The following LINGO2 variants were observed in gnomAD, a reference collection of about 807,000 sequenced individuals.
The protein encoded by LINGO2 is leucine-rich repeat and immunoglobulin-like domain-containing nogo receptor-interacting protein 2.
LINGO2 carries 14 observed loss-of-function variants against 30.6 expected under a neutral mutation model. The observed-to-expected ratio is 0.46, with a 90% CI of 0.30 to 0.72. The LOEUF is 0.72. Ranked by LOEUF, LINGO2 falls within the 30% of genes least tolerant of loss-of-function variation. The pLI is 0.07. For missense variants in LINGO2, 729 were observed against 751.7 expected (o/e 0.97, Z 0.35); for synonymous variants, 317 against 288.5 (o/e 1.10, Z -1.00).
At chr9:28,735,039 C>T in the LINGO2 span, among the ~76,000 whole-genome samples, 4 of 152,150 alleles carry the variant, frequency 2.6e-5, no homozygotes, top group African/African-American at 9.7e-5. Flanking sequence ...AGGCTGGTTA[C>T]AGTTTTTTGT....
chr9:28,384,134 A>G lies in LINGO2; in HGVS notation c.-278-11266T>C, dbSNP rs10968545. 2.8e-3 allele frequency among the ~76,000 whole-genome samples: 419 copies of G among 151,866 alleles called. 15 individuals carry two copies. In the East Asian group the frequency reaches 0.05, roughly 18 times the overall value. ...TCATAATAGTTATTTATTTTAGACA[A>G]TTTGAAAATTGCATTTAGACAATTA... is the stretch of plus-strand genomic sequence containing the variant. On this transcript the variant is annotated intron_variant, in intron 2 of 5. Transcript: ENST00000379992.
In LINGO2 at chr9:28,464,609, C is replaced by G. The variant is rs184814709; in HGVS notation, c.-279+11331G>C. Among the ~76,000 whole-genome samples the G allele has an allele frequency of 3.3e-5, 5 of 152,230 alleles. 1 individual carries two copies. Among genetic ancestry groups the G allele is most frequent in the Admixed American group, 3.3e-4 (5 of 15,294 alleles). On this transcript the variant is annotated intron_variant, in intron 2 of 5. Transcript: ENST00000379992. ...TATAATTTCAGGGAAAATAAACATG[C>G]CTAAATGAATAGGTCATAACTTCCG...
At chr9:29,145,717 A>G in the LINGO2 span, among the ~76,000 whole-genome samples, 8 of 152,282 alleles carry the variant, frequency 5.3e-5, no homozygotes, top group East Asian at 1.5e-3. Context: ...GATTTAATAT[A>G]AAGAGTAAGC....
intron 1 of LINGO2, among the ~76,000 whole-genome samples, chr9:28,634,935 G>C (rs1587997692): frequency 6.6e-6 from 1 of 152,150 alleles, no homozygotes; most frequent in Non-Finnish European, 1.5e-5. Flanking sequence ...CACAAGGAGA[G>C]ATAATAATTC....
chr9:28,978,108 C>T, the LINGO2 span, among the ~76,000 whole-genome samples: 1 of 152,090 alleles, frequency 6.6e-6, no homozygotes, highest in East Asian at 1.9e-4. Context: ...GAAATCTTTT[C>T]CATTTCCACT....
chr9:28,887,666 C>A, the LINGO2 span, among the ~76,000 whole-genome samples: 1 of 152,128 alleles, frequency 6.6e-6, no homozygotes, highest in Admixed American at 6.6e-5. Flanking sequence ...ATCACACAGA[C>A]ACAAGGATCA....
At chr9:28,217,642 T>C (rs1355061505) in intron 4 of LINGO2, among the ~76,000 whole-genome samples, 3 of 152,064 alleles carry the variant, frequency 2.0e-5, no homozygotes, top group Non-Finnish European at 2.9e-5. Flanking sequence ...ATAGTTTATA[T>C]TGTCTCCTTT....
At chr9:28,989,933 C>A in the LINGO2 span, among the ~76,000 whole-genome samples, 1 of 152,158 alleles carries the variant, frequency 6.6e-6, no homozygotes. Flanking sequence ...AGAATAGGAA[C>A]AGCTCCGGTC....
chr9:27,976,809 T>C (rs1461892848), intron 5 of LINGO2, among the ~76,000 whole-genome samples: 1 of 152,108 alleles, frequency 6.6e-6, no homozygotes, highest in Admixed American at 6.6e-5. Context: ...CCTTCATATT[T>C]TCCAGTTGAG....
the LINGO2 span, among the ~76,000 whole-genome samples, chr9:28,917,066 T>C: frequency 6.6e-6 from 1 of 152,190 alleles, no homozygotes; most frequent in African/African-American, 2.4e-5. Context: ...CCTTTCTACC[T>C]TTTGTGGTTG....
intron 1 of LINGO2, among the ~76,000 whole-genome samples, chr9:28,575,837 T>C (rs1247811997): frequency 6.6e-6 from 1 of 152,040 alleles, no homozygotes; most frequent in Non-Finnish European, 1.5e-5. Flanking sequence ...CACACATTAA[T>C]TTGGATGAAG....
chr9:29,181,900 G>T, the LINGO2 span, among the ~76,000 whole-genome samples: 1 of 152,036 alleles, frequency 6.6e-6, no homozygotes, highest in African/African-American at 2.4e-5. Context: ...TTGAAGTCAG[G>T]TTAAAGAAAG....
At chr9:28,593,506 G>A (rs922390318) in intron 1 of LINGO2, among the ~76,000 whole-genome samples, 3 of 151,998 alleles carry the variant, frequency 2.0e-5, no homozygotes, top group Admixed American at 6.6e-5. Flanking sequence ...TTGGTCTGTA[G>A]AAAGAAGAAT....
At chr9:28,885,117 C>T in the LINGO2 span, among the ~76,000 whole-genome samples, 18 of 144,970 alleles carry the variant, frequency 1.2e-4, no homozygotes, top group Admixed American at 1.2e-3. Context: ...TGGCCCTCCT[C>T]TCAGAACACT....
chr9:28,658,850 C>T (rs1054382246), intron 1 of LINGO2, among the ~76,000 whole-genome samples: 15 of 151,922 alleles, frequency 9.9e-5, no homozygotes, highest in Non-Finnish European at 1.8e-4. Flanking sequence ...TATAATTATA[C>T]TATGGTTATG....
chr9:28,991,397 C>A, the LINGO2 span, among the ~76,000 whole-genome samples: 11 of 151,440 alleles, frequency 7.3e-5, no homozygotes, highest in Middle Eastern at 3.4e-3. Flanking sequence ...GATTGGTGTA[C>A]CTGAAACTGA....
At chr9:29,153,044 G>T in the LINGO2 span, among the ~76,000 whole-genome samples, 21 of 151,926 alleles carry the variant, frequency 1.4e-4, no homozygotes, top group Admixed American at 6.6e-5. Context: ...GACACTAGTG[G>T]TTATTTAATA....
At chr9:29,149,446 A>C in the LINGO2 span, among the ~76,000 whole-genome samples, 1 of 152,166 alleles carries the variant, frequency 6.6e-6, no homozygotes, top group African/African-American at 2.4e-5. Flanking sequence ...AAGAGAAAAC[A>C]CCAAGAGTTG....
At chr9:28,620,556 A>T (rs1415039596) in intron 1 of LINGO2, among the ~76,000 whole-genome samples, 1 of 152,104 alleles carries the variant, frequency 6.6e-6, no homozygotes, top group Non-Finnish European at 1.5e-5. Context: ...TTTGTCATAT[A>T]CATCAGTGAC....
Sources: gnomAD v4.1 joint callset for allele counts (sites outside exome capture counted in the v4.1 genomes callset) on GRCh38, gnomAD v4.1.1 for gene constraint, MANE v1.5 for transcripts, NCBI Gene and HGNC (gene_info 2026-07-23, HGNC 2026-07-21) for gene names.